Variants in SLC25A20 observed in about 807,000 individuals in gnomAD.
SLC25A20 encodes mitochondrial carnitine/acylcarnitine carrier protein.
In SLC25A20, 29 loss-of-function variants were observed where a neutral mutation model predicts 39.7. The observed-to-expected ratio is 0.73, with a 90% CI of 0.54 to 1.00. The LOEUF (loss-of-function observed/expected upper bound fraction) is 1.00, where lower values mean the gene tolerates loss of function less well. Among genes scored for constraint, SLC25A20 ranks in the 50% least tolerant of loss-of-function variants. The pLI is 0.00. For synonymous variants in SLC25A20, 103 were observed against 142.2 expected, an observed-to-expected ratio of 0.72 and a Z score of 1.96; for missense variants, 333 against 379.9, an observed-to-expected ratio of 0.88 and a Z score of 1.03.
intron 1 of SLC25A20, chr3:48,895,688 A>C: frequency 2.3e-6 from 1 of 435,180 alleles, no homozygotes; most frequent in Non-Finnish European, 4.7e-6. Context: ...CTCTCTGGGC[A>C]ACAGAGGTGA....
chr3:48,869,130 G>T (rs563356165), intron 4 of SLC25A20, among the ~76,000 whole-genome samples: 5 of 152,178 alleles, frequency 3.3e-5, no homozygotes, highest in African/African-American at 1.2e-4. Context: ...TTCCCTTCCT[G>T]CTGGAGCAGT....
intron 3 of SLC25A20, among the ~76,000 whole-genome samples, chr3:48,882,512 T>A (rs1282674354): frequency 6.6e-6 from 1 of 152,148 alleles, no homozygotes; most frequent in East Asian, 1.9e-4. Flanking sequence ...AACAGCCTCC[T>A]GGGGTTGGTA....
intron 3 of SLC25A20, among the ~76,000 whole-genome samples, chr3:48,882,958 G>A (rs1284887593): frequency 6.7e-6 from 1 of 149,876 alleles, no homozygotes; most frequent in African/African-American, 2.5e-5. Flanking sequence ...GGGGCCAAAG[G>A]GGGCGGATCA....
chr3:48,864,656 T>C (rs556517307), intron 4 of SLC25A20, among the ~76,000 whole-genome samples: 79 of 152,084 alleles, frequency 5.2e-4, no homozygotes, highest in South Asian at 1.2e-3. Context: ...CTGAGAATGC[T>C]GGAGCCAATT....
intron 4 of SLC25A20, among the ~76,000 whole-genome samples, chr3:48,875,992 G>A (rs958812447): frequency 6.6e-6 from 1 of 152,076 alleles, no homozygotes; most frequent in Non-Finnish European, 1.5e-5. Flanking sequence ...TACAGAGACT[G>A]GGTGACAGAC....
At chr3:48,871,018 G>C (rs1056327663) in intron 4 of SLC25A20, among the ~76,000 whole-genome samples, 30 of 151,648 alleles carry the variant, frequency 2.0e-4, no homozygotes, top group Admixed American at 1.1e-3. Context: ...TAGACACGGG[G>C]TTTTGCCATA....
intron 1 of SLC25A20, among the ~76,000 whole-genome samples, chr3:48,898,329 G>A (rs1026125041): frequency 1.3e-5 from 2 of 152,230 alleles, no homozygotes; most frequent in African/African-American, 4.8e-5. Flanking sequence ...AGGCTTTACA[G>A]GGGACCTGTT....
chr3:48,858,467 T>C lies in SLC25A20; in HGVS notation c.843+40A>G, dbSNP rs117092176. The C allele has an allele frequency of 3.9e-5, 63 of 1,613,786 alleles. No homozygotes were observed. The East Asian group carries it at 6.2e-4, about 16-fold the overall frequency. ...AAGTCAAACCACATGCACCCTGCCC[T>C]GAGCCCCAGAGGGAAAGCACAGCCC... On this transcript the variant is annotated intron_variant, in intron 8 of 8. Coordinates refer to ENST00000319017, the MANE Select transcript of SLC25A20 (RefSeq NM_000387.6).
intron 4 of SLC25A20, among the ~76,000 whole-genome samples, chr3:48,866,090 TGCCACTGCACTCCA>T (rs2083666343): frequency 6.7e-6 from 1 of 149,926 alleles, no homozygotes; most frequent in Non-Finnish European, 1.5e-5. Context: ...GCTGAGATCA[TGCCACTGCACTCCA>T]GCCTGGCGAC....
intron 4 of SLC25A20, among the ~76,000 whole-genome samples, chr3:48,867,815 C>T (rs2083683772): frequency 6.6e-6 from 1 of 151,646 alleles, no homozygotes; most frequent in Non-Finnish European, 1.5e-5. Context: ...AATCCCAACA[C>T]TTTGGGAGAC....
At chr3:48,882,780 T>C (rs1254557926) in intron 3 of SLC25A20, among the ~76,000 whole-genome samples, 7 of 152,210 alleles carry the variant, frequency 4.6e-5, no homozygotes, top group African/African-American at 1.4e-4. Context: ...TCCCAGCTAC[T>C]TGGGGGGCTG....
chr3:48,866,111 C>T (rs576723723), intron 4 of SLC25A20, among the ~76,000 whole-genome samples: 1 of 145,222 alleles, frequency 6.9e-6, no homozygotes, highest in Admixed American at 6.9e-5. Context: ...TCCAGCCTGG[C>T]GACAGAGCGA....
chr3:48,876,425 GTTTTTC>G (rs956361251), intron 4 of SLC25A20, among the ~76,000 whole-genome samples: 3 of 149,884 alleles, frequency 2.0e-5, no homozygotes, highest in African/African-American at 7.3e-5. Context: ...GTTTTGTTTT[GTTTTTC>G]TTTTTGTTTT....
intron 5 of SLC25A20, among the ~76,000 whole-genome samples, chr3:48,859,845 GTAATT>G (rs1030840877): frequency 3.9e-5 from 6 of 152,054 alleles, no homozygotes; most frequent in Non-Finnish European, 8.8e-5. Flanking sequence ...GCGTATGGTA[GTAATT>G]TATGTAGACT....
At position 48,895,388 on chromosome 3, in the gene SLC25A20, C is replaced by T. The variant is rs545077052; in HGVS notation, c.105+3302G>A. Among the ~76,000 whole-genome samples the T allele has an allele frequency of 4.7e-4, 72 of 152,334 alleles. No homozygotes were observed. In the South Asian group the frequency reaches 9.3e-3, roughly 20 times the overall value. On this transcript the variant is annotated intron_variant, in intron 1 of 8. Coordinates refer to ENST00000319017, the MANE Select transcript of SLC25A20 (RefSeq NM_000387.6). The stretch of plus-strand genomic sequence containing the variant: ...AACTCCCAACCTCAGGTGATCTGCC[C>T]GCCTCAGACTCCCAAAGTGGGATTA...
At chr3:48,882,511 C>T (rs1193048688) in intron 3 of SLC25A20, among the ~76,000 whole-genome samples, 7 of 152,126 alleles carry the variant, frequency 4.6e-5, no homozygotes, top group Non-Finnish European at 7.4e-5. Flanking sequence ...CAACAGCCTC[C>T]TGGGGTTGGT....
chr3:48,864,133 G>A (rs1372466786), intron 4 of SLC25A20, among the ~76,000 whole-genome samples: 1 of 151,786 alleles, frequency 6.6e-6, no homozygotes, highest in Non-Finnish European at 1.5e-5. Flanking sequence ...ATCACCTGAG[G>A]CCAGGAGTTC....
At position 48,888,249 on chromosome 3, in the gene SLC25A20, C is replaced by A. The variant is rs2083847054; in HGVS notation, c.198+3731G>T. On this transcript the variant is annotated intron_variant, in intron 2 of 8. Transcript: ENST00000319017. Reference sequence around the variant, plus strand: ...AAAAAAGAAGGGTAGCACCACCTCACTCAAGGACGGTTGGGCAGGCACTGC... The same window carrying A: ...AAAAAAGAAGGGTAGCACCACCTCAATCAAGGACGGTTGGGCAGGCACTGC... Among the ~76,000 whole-genome samples the A allele has an allele frequency of 2.0e-5, 3 of 149,156 alleles. No homozygotes were observed. The South Asian group carries it at 6.5e-4, about 32-fold the overall frequency.
At chr3:48,891,832 G>A (rs1183633367) in intron 2 of SLC25A20, 148 bp downstream of exon 2, 10 of 753,956 alleles carry the variant, frequency 1.3e-5, no homozygotes, top group Admixed American at 8.9e-5. Flanking sequence ...ATGACAACAG[G>A]GGGGCACAGG....
Sources: gnomAD v4.1 joint callset for allele counts (sites outside exome capture counted in the v4.1 genomes callset) on GRCh38, gnomAD v4.1.1 for gene constraint, MANE v1.5 for transcripts, NCBI Gene and HGNC (gene_info 2026-07-23, HGNC 2026-07-21) for gene names.